The following SYNE2 variants were observed in gnomAD, a reference collection of about 807,000 sequenced individuals.
The protein encoded by SYNE2 is nesprin-2.
Under a neutral mutation model 856.3 loss-of-function variants are expected in SYNE2, and 431 were observed. That is an observed-to-expected ratio of 0.50 (90% CI 0.47 to 0.55). SYNE2 has a LOEUF of 0.55. Among genes scored for constraint, SYNE2 ranks in the 20% least tolerant of loss-of-function variants. SYNE2 has a pLI of 0.00. For synonymous variants in SYNE2, 2,923 were observed against 2,872.3 expected (o/e 1.02, Z -0.56); for missense variants, 8,129 against 8,023.2 (o/e 1.01, Z -0.50).
At chr14:64,125,265 TATC>T (rs1272459593) in intron 71 of SYNE2, 55 bp downstream of exon 71, 1 of 1,609,520 alleles carries the variant, frequency 6.2e-7, no homozygotes. Flanking sequence ...ACAAAGGAGA[TATC>T]ATCATTGTGA....
intron 27 of SYNE2, 117 bp from the exon 28 acceptor site, chr14:64,000,445 T>G (rs1324188003): frequency 5.3e-6 from 5 of 952,146 alleles, no homozygotes; most frequent in Non-Finnish European, 8.4e-6. Context: ...TAAACACATT[T>G]ACATATGAAA....
chr14:64,000,474 A>G, intron 27 of SYNE2, 88 bp from the exon 28 acceptor site: 1 of 1,205,876 alleles, frequency 8.3e-7, no homozygotes, highest in Non-Finnish European at 1.2e-6. Context: ...TTGCTTCCAC[A>G]GTTGGTGAAT....
chr14:63,781,302 T>C (rs956438279), intron 1 of SYNE2, among the ~76,000 whole-genome samples: 2 of 151,404 alleles, frequency 1.3e-5, no homozygotes, highest in Non-Finnish European at 2.9e-5. Context: ...AAGAAAGATT[T>C]GTGGACATCG....
chr14:64,119,165 A>G (rs758821379), intron 66 of SYNE2, among the ~76,000 whole-genome samples: 1 of 152,160 alleles, frequency 6.6e-6, no homozygotes, highest in Non-Finnish European at 1.5e-5. Context: ...ACATTCTGCT[A>G]TGTTTTGTAA....
chr14:64,187,326 AT>A (rs1213780243), intron 97 of SYNE2, among the ~76,000 whole-genome samples: 2 of 152,206 alleles, frequency 1.3e-5, no homozygotes. Context: ...TGATTTTAGT[AT>A]TTAATATTCA....
chr14:63,796,757 A>G (rs1253574584), intron 1 of SYNE2, among the ~76,000 whole-genome samples: 1 of 151,606 alleles, frequency 6.6e-6, no homozygotes, highest in Non-Finnish European at 1.5e-5. Flanking sequence ...GCAGAGCACT[A>G]TGATTACAGC....
chr14:64,015,094 A>G (rs536540005), intron 32 of SYNE2, among the ~76,000 whole-genome samples: 24 of 147,206 alleles, frequency 1.6e-4, no homozygotes, highest in African/African-American at 5.5e-4. Context: ...TATAACGTGT[A>G]TATATATATA....
rs1459328032 is a variant in SYNE2, at chr14:64,208,758, G to A, written c.18202G>A (p.Asp6068Asn). Residue 6068 changes from aspartate (D) to asparagine (N), a missense_variant and splice_region_variant, in exon 101 of 116, where the codon GAT (aspartate) becomes AAT (asparagine). Coordinates refer to ENST00000555002, the MANE Select transcript of SYNE2 (RefSeq NM_182914.3). ...EIQKRLAEQQ[D>N]LQRDIEQHSA... ...GTTTCTTACTCTGTTGTAATCACAG[G>A]ATCTACAGCGAGATATTGAACAACA... is the stretch of plus-strand genomic sequence containing the variant. 1.2e-6 allele frequency: 2 copies of A among 1,614,174 alleles called. No homozygotes were observed. The highest frequency in any genetic ancestry group is 1.7e-6 in the Non-Finnish European group (2 of 1,180,038).
At chr14:64,220,341 A>G in intron 110 of SYNE2, 96 bp from the exon 111 acceptor site, 2 of 1,362,322 alleles carry the variant, frequency 1.5e-6, no homozygotes, top group Non-Finnish European at 2.1e-6. Flanking sequence ...GCAGCTTGGA[A>G]AAGTGTGTGG....
chr14:64,142,372 CT>C (rs1343174124), intron 82 of SYNE2, among the ~76,000 whole-genome samples: 1 of 152,164 alleles, frequency 6.6e-6, no homozygotes, highest in Non-Finnish European at 1.5e-5. Context: ...TAACCACAGA[CT>C]CTGCCTGACA....
At chr14:64,149,832 C>T (rs185666886) in intron 84 of SYNE2, among the ~76,000 whole-genome samples, 136 of 151,834 alleles carry the variant, frequency 9.0e-4, no homozygotes, top group Middle Eastern at 3.4e-3. Context: ...ATTAATTTGC[C>T]GGTGAAGTGG....
chr14:64,179,518 G>A (rs1468990819), intron 96 of SYNE2, among the ~76,000 whole-genome samples: 1 of 152,174 alleles, frequency 6.6e-6, no homozygotes, highest in African/African-American at 2.4e-5. Flanking sequence ...TCTCACTGCT[G>A]TATAGTATGC....
chr14:63,901,749 C>A (rs867935537), intron 1 of SYNE2, among the ~76,000 whole-genome samples: 11 of 152,124 alleles, frequency 7.2e-5, no homozygotes, highest in Non-Finnish European at 7.3e-5. Context: ...TATAGGGAGA[C>A]CCTGCCTCTA....
intron 60 of SYNE2, among the ~76,000 whole-genome samples, chr14:64,092,074 C>T (rs2097622981): frequency 6.6e-6 from 1 of 151,956 alleles, no homozygotes; most frequent in South Asian, 2.1e-4. Context: ...AAAGATCTAG[C>T]ACTCAATGTA....
chr14:64,202,357 T>G (rs956799948), intron 99 of SYNE2: 1 of 698,298 alleles, frequency 1.4e-6, no homozygotes, highest in Non-Finnish European at 2.6e-6. Context: ...ACCAGGCGTG[T>G]AACATCTTTA....
At chr14:63,924,865 C>CTTTTTTTTTTTTT (rs1595671224) in intron 2 of SYNE2, among the ~76,000 whole-genome samples, 1 of 39,546 alleles carries the variant, frequency 2.5e-5, no homozygotes, top group African/African-American at 1.2e-4. Flanking sequence ...TTTTTTTTTG[C>CTTTTTTTTTTTTT]CTTACTCCAG....
intron 1 of SYNE2, among the ~76,000 whole-genome samples, chr14:63,772,771 T>C (rs1886965207): frequency 2.6e-5 from 4 of 151,938 alleles, no homozygotes; most frequent in African/African-American, 9.6e-5. Context: ...AACAAAAATC[T>C]AAGCTACATT....
Position 63,978,929 on chromosome 14 carries a change from T to C in SYNE2, c.1484T>C (p.Val495Ala). Residue 495 changes from valine to alanine, a missense_variant, in exon 14 of 116, where the codon GTA becomes GCA. Val to Ala is a moderately conservative substitution (Grantham distance 64). Transcript: ENST00000555002. Reference sequence around the variant, plus strand: ...TACAAGTGCTTAGTTCTTGGTTTGGTAGATGAAGTGAAATCAAAATTGGAT... The same window carrying C: ...TACAAGTGCTTAGTTCTTGGTTTGGCAGATGAAGTGAAATCAAAATTGGAT... ...HYYKCLVLGL[V>A]DEVKSKLDIW... 6.2e-7 allele frequency: 1 copy of C among 1,613,146 alleles called. No individual in the cohort carries two copies. Among genetic ancestry groups the C allele is most frequent in the Non-Finnish European group, 8.5e-7 (1 of 1,179,194 alleles).
At chr14:63,791,146 G>C (rs1887717711) in intron 1 of SYNE2, among the ~76,000 whole-genome samples, 1 of 151,926 alleles carries the variant, frequency 6.6e-6, no homozygotes, top group African/African-American at 2.4e-5. Context: ...ATTTTTAGTA[G>C]AGTCAGGGTT....
Sources: gnomAD v4.1 joint callset for allele counts (sites outside exome capture counted in the v4.1 genomes callset) on GRCh38, gnomAD v4.1.1 for gene constraint, MANE v1.5 for transcripts, NCBI Gene and HGNC (gene_info 2026-07-23, HGNC 2026-07-21) for gene names.